The following ACTR3B variants were observed in gnomAD, a reference collection of about 807,000 sequenced individuals.
The protein encoded by ACTR3B is actin related protein 3B, also known as actin-related protein 3B.
A neutral mutation model predicts 59.0 loss-of-function variants in ACTR3B; 8 were observed. The ratio of observed to expected loss-of-function variants is 0.14; its 90% confidence interval spans 0.08 to 0.24. The LOEUF (loss-of-function observed/expected upper bound fraction) is 0.24. Ranked by LOEUF, ACTR3B falls within the 10% of genes least tolerant of loss-of-function variation. The pLI is 1.00. For synonymous variants in ACTR3B, 148 were observed against 197.9 expected (o/e 0.75, Z 2.12); for missense variants, 245 against 552.3 (o/e 0.44, Z 5.58).
chr7:152,816,396 G>C, intron 5 of ACTR3B, 85 bp from the exon 6 acceptor site: 1 of 1,210,422 alleles, frequency 8.3e-7, no homozygotes, highest in Non-Finnish European at 1.1e-6. Context: ...AAGTAAGAGA[G>C]TTTGTTGATT....
rs193049039 is a variant in ACTR3B at position 152,818,655 on chromosome 7, G to T, written c.541-1644G>T. On this transcript the variant is annotated intron_variant, in intron 6 of 11. Transcript: ENST00000256001. ...GTAGAGATGGGGTTTCTCCATATTG[G>T]TCAGGCTGGTCTCAAACTGCCGACC... is the stretch of plus-strand genomic sequence containing the variant. 3.8e-3 allele frequency among the ~76,000 whole-genome samples: 583 copies of T among 152,294 alleles called. 5 individuals are homozygous for T. The highest frequency in any genetic ancestry group is 0.014 in the African/African-American group (570 of 41,550).
chr7:152,810,466 A>G (rs1795131811), intron 4 of ACTR3B, among the ~76,000 whole-genome samples: 1 of 150,056 alleles, frequency 6.7e-6, no homozygotes, highest in Non-Finnish European at 1.5e-5. Context: ...ATGTTGTCCA[A>G]GCTGGAGTGC....
chr7:152,817,618 C>G (rs1316355995), intron 6 of ACTR3B, among the ~76,000 whole-genome samples: 1 of 152,006 alleles, frequency 6.6e-6, no homozygotes, highest in Non-Finnish European at 1.5e-5. Flanking sequence ...CATACTCATC[C>G]TGGTCTTTCT....
At chr7:152,776,006 T>C (rs2098135497) in intron 1 of ACTR3B, among the ~76,000 whole-genome samples, 1 of 151,812 alleles carries the variant, frequency 6.6e-6, no homozygotes, top group South Asian at 2.1e-4. Context: ...TAGCTTCCTC[T>C]TCTGTCTTTC....
At position 152,854,378 on chromosome 7, in the gene ACTR3B, T is replaced by G. The variant is rs1799089037; in HGVS notation, c.1162-80T>G. ...AGGGTGGAGGCCGGGATGAGGAGAG[T>G]GTCTTGCCTGCTTGGTAGCTGGTTC... On this transcript the variant is annotated intron_variant, in intron 11 of 11. Transcript: ENST00000256001. The surrounding 1 kb of genome is among the most constrained non-coding windows in gnomAD (Gnocchi z 4.9). The G allele has an allele frequency of 7.7e-7, 1 of 1,295,914 alleles. No homozygotes were observed. Among genetic ancestry groups the G allele is most frequent in the Admixed American group, 1.7e-5 (1 of 59,174 alleles). 80.3% of individuals were successfully genotyped at this position (1,295,914 alleles called of 1,614,324 possible).
chr7:152,779,858 T>C (rs1275297477), intron 1 of ACTR3B, among the ~76,000 whole-genome samples: 4 of 152,270 alleles, frequency 2.6e-5, no homozygotes, highest in Non-Finnish European at 5.9e-5. Context: ...TTTTGTTTGA[T>C]GTTTGTTACA....
intron 2 of ACTR3B, among the ~76,000 whole-genome samples, chr7:152,796,860 G>GGTTTTT (rs2098218252): frequency 5.5e-5 from 3 of 54,736 alleles, no homozygotes; most frequent in African/African-American, 1.4e-4. Flanking sequence ...TAGTTTTTGT[G>GGTTTTT]TTTTTTTTTT....
chr7:152,777,522 TATG>T (rs2098139060), intron 1 of ACTR3B, among the ~76,000 whole-genome samples: 1 of 151,978 alleles, frequency 6.6e-6, no homozygotes, highest in African/African-American at 2.4e-5. Context: ...TCATCCATTA[TATG>T]TTCTTATTGT....
At chr7:152,779,304 G>C (rs1449311698) in intron 1 of ACTR3B, among the ~76,000 whole-genome samples, 1 of 151,966 alleles carries the variant, frequency 6.6e-6, no homozygotes, top group African/African-American at 2.4e-5. Flanking sequence ...CAGGTGATCT[G>C]GTCAGCCACA....
chr7:152,770,128 G>A (rs2098120567), intron 1 of ACTR3B, among the ~76,000 whole-genome samples: 2 of 151,676 alleles, frequency 1.3e-5, no homozygotes, highest in Admixed American at 1.3e-4. Context: ...TGGGCATATG[G>A]TGCTATAAAT....
At position 152,812,175 on chromosome 7, in the gene ACTR3B, T is replaced by C. The variant is rs1448201059; in HGVS notation, c.337-2375T>C. The C allele has an allele frequency of 4.2e-5, 4 of 95,846 alleles. 1 individual carries two copies. The highest frequency in any genetic ancestry group is 1.1e-4 in the African/African-American group (4 of 34,976). The allele number at this position is 95,846 out of a possible 1,614,324, so 5.9% of individuals were successfully genotyped here. A position where few individuals can be genotyped will look rare whatever the true frequency, so the allele number is the denominator to read the frequency against. On this transcript the variant is annotated intron_variant, in intron 4 of 11. Coordinates refer to ENST00000256001, the MANE Select transcript of ACTR3B (RefSeq NM_020445.6). ...CCACCCAAGTAGCTGGGACTACAGG[T>C]GCACACCACCATGCCTGGCTAATTT...
At chr7:152,853,713 A>G (rs1799027941) in intron 11 of ACTR3B, 136 bp downstream of exon 11, 2 of 744,344 alleles carry the variant, frequency 2.7e-6, no homozygotes, top group Non-Finnish European at 2.2e-6. Flanking sequence ...TAAGATATAA[A>G]TTATATCTTT....
intron 3 of ACTR3B, 88 bp downstream of exon 3, chr7:152,800,743 G>A: frequency 6.8e-7 from 1 of 1,461,320 alleles, no homozygotes. Flanking sequence ...GTATTTGCGA[G>A]TTGTAGAATG....
chr7:152,829,284 A>G (rs1796837324), intron 9 of ACTR3B, among the ~76,000 whole-genome samples: 1 of 152,112 alleles, frequency 6.6e-6, no homozygotes, highest in Admixed American at 6.5e-5. Flanking sequence ...TGTACTCACC[A>G]TGCTGGAATT....
At chr7:152,777,839 A>G (rs1409626689) in intron 1 of ACTR3B, among the ~76,000 whole-genome samples, 11 of 151,798 alleles carry the variant, frequency 7.2e-5, no homozygotes, top group African/African-American at 2.7e-4. Flanking sequence ...TAGTCCCAGC[A>G]CTCAGGAGGC....
In ACTR3B at chr7:152,824,401, C is replaced by T. The variant is rs139537981; in HGVS notation, c.859-629C>T. Reference sequence around the variant, plus strand: ...TCCTCCTCCTTCCTCTGAGAGTGCACATTCAAGCTTACTTTGATTTTTTAA... The same window carrying T: ...TCCTCCTCCTTCCTCTGAGAGTGCATATTCAAGCTTACTTTGATTTTTTAA... On this transcript the variant is annotated intron_variant, in intron 8 of 11. Transcript: ENST00000256001. The surrounding 1 kb of genome is among the most constrained non-coding windows in gnomAD (Gnocchi z 4.2). Among the ~76,000 whole-genome samples, 25 of 152,304 alleles carry T rather than the reference C, an allele frequency of 1.6e-4. No homozygotes were observed. Among genetic ancestry groups the T allele is most frequent in the Non-Finnish European group, 2.9e-4 (20 of 68,034 alleles).
intron 9 of ACTR3B, among the ~76,000 whole-genome samples, chr7:152,850,711 T>C (rs142229837): frequency 5.8e-4 from 88 of 152,330 alleles, no homozygotes; most frequent in African/African-American, 2.1e-3. Context: ...AGGAACAGAC[T>C]ACTCTCATAT....
At chr7:152,853,365 G>A (rs577069975) in intron 10 of ACTR3B, 129 bp from the exon 11 acceptor site, 118 of 727,620 alleles carry the variant, frequency 1.6e-4, no homozygotes, top group Non-Finnish European at 4.6e-5. Flanking sequence ...TGAGTGCTGG[G>A]TGTGAGGTGG....
chr7:152,853,437 G>T, intron 10 of ACTR3B, 57 bp from the exon 11 acceptor site: 1 of 1,538,476 alleles, frequency 6.5e-7, no homozygotes, highest in Non-Finnish European at 9.0e-7. Flanking sequence ...GCCGGGGGAT[G>T]ATTAGATCAC....
Sources: allele counts gnomAD v4.1 joint callset (sites outside exome capture counted in the v4.1 genomes callset), GRCh38; gene constraint gnomAD v4.1.1; non-coding constraint Gnocchi (gnomAD v3.1); transcripts MANE v1.5; gene names NCBI Gene and HGNC (gene_info 2026-07-23, HGNC 2026-07-21).